The following AKNAD1 variants were observed in gnomAD, a reference collection of about 807,000 sequenced individuals.
The protein encoded by AKNAD1 is protein AKNAD1.
A neutral mutation model predicts 90.8 loss-of-function variants in AKNAD1; 67 were observed. The observed-to-expected ratio is 0.74, with a 90% CI of 0.61 to 0.90. AKNAD1 has a LOEUF of 0.90. Ranked by LOEUF, AKNAD1 falls within the 40% of genes least tolerant of loss-of-function variation. The pLI is 0.00. For missense variants in AKNAD1, 957 were observed against 975.4 expected (o/e 0.98, Z 0.25); for synonymous variants, 327 against 341.4 (o/e 0.96, Z 0.46).
chr1:108,827,427 G>C lies in AKNAD1; in HGVS notation c.1839-125C>G, dbSNP rs1306146377. 3 of 687,900 alleles carry C rather than the reference G, an allele frequency of 4.4e-6. No homozygotes were observed. The African/African-American group carries it at 5.3e-5, about 12-fold the overall frequency. 42.6% of individuals were successfully genotyped at this position (687,900 alleles called of 1,614,324 possible). A position where few individuals can be genotyped will look rare whatever the true frequency, so the allele number is the denominator to read the frequency against. On this transcript the variant is annotated intron_variant, in intron 10 of 15. Transcript: ENST00000370001. Reference sequence around the variant, plus strand: ...GCCTGGAACAGTGTAGGAGGGGCTTGTCATCCTCTACACAGAGCTCTCCTC... The same window carrying C: ...GCCTGGAACAGTGTAGGAGGGGCTTCTCATCCTCTACACAGAGCTCTCCTC...
chr1:108,841,502 A>G (rs543014097), intron 6 of AKNAD1, among the ~76,000 whole-genome samples: 6 of 152,322 alleles, frequency 3.9e-5, no homozygotes, highest in Non-Finnish European at 5.9e-5. Context: ...CTATTGGACT[A>G]CATTCTGACA....
intron 14 of AKNAD1, among the ~76,000 whole-genome samples, chr1:108,818,701 G>T (rs980907142): frequency 6.6e-6 from 1 of 152,020 alleles, no homozygotes; most frequent in Non-Finnish European, 1.5e-5. Flanking sequence ...GGTGGCTCAC[G>T]CCTGTAATCC....
chr1:108,817,278 G>T, intron 14 of AKNAD1, 101 bp from the exon 15 acceptor site: 1 of 1,485,804 alleles, frequency 6.7e-7, no homozygotes, highest in South Asian at 1.3e-5. Flanking sequence ...GTGTGGTTTG[G>T]GTGTGGGTGG....
intron 7 of AKNAD1, chr1:108,836,944 C>T (rs2101191586): frequency 6.6e-6 from 1 of 152,282 alleles, no homozygotes; most frequent in South Asian, 2.1e-4. Context: ...ACTGAGTGTG[C>T]TATTCTTTAT....
chr1:108,830,718 C>G (rs1664170918), intron 9 of AKNAD1, 68 bp from the exon 10 acceptor site: 8 of 1,499,326 alleles, frequency 5.3e-6, no homozygotes, highest in Non-Finnish European at 7.4e-6. Flanking sequence ...TGCACACGCA[C>G]AGCCCAGCAA....
chr1:108,829,779 C>A (rs1259283048), intron 10 of AKNAD1, among the ~76,000 whole-genome samples: 2 of 152,198 alleles, frequency 1.3e-5, no homozygotes, highest in African/African-American at 4.8e-5. Context: ...GGTTGCTAAA[C>A]ACCTGCTGCC....
intron 6 of AKNAD1, among the ~76,000 whole-genome samples, chr1:108,840,055 A>T (rs1199790815): frequency 1.3e-5 from 2 of 152,160 alleles, no homozygotes; most frequent in African/African-American, 2.4e-5. Context: ...CACTAATATT[A>T]ATTATCCAAT....
intron 11 of AKNAD1, among the ~76,000 whole-genome samples, chr1:108,824,629 T>C (rs1207432789): frequency 2.6e-5 from 4 of 151,768 alleles, no homozygotes. Context: ...TTTATTTTTT[T>C]TGAGCCAAGG....
upstream of AKNAD1, chr1:108,857,613 C>T (rs1358166257): frequency 6.5e-6 from 1 of 152,676 alleles, no homozygotes; most frequent in East Asian, 1.9e-4. Flanking sequence ...GTTCCTGTGA[C>T]AATCTCTTTG....
rs1570804803 is a variant in AKNAD1, at chr1:108,830,785, C to T, written c.1747-135G>A. On this transcript the variant is annotated intron_variant, in intron 9 of 15. Coordinates refer to ENST00000370001, the MANE Select transcript of AKNAD1 (RefSeq NM_152763.5). Reference sequence around the variant, plus strand: ...AGGCAGAGAGACTCGCCAAACCTCTCCTCCAGTTGGGGAAAGGGAGGCGCA... The same window carrying T: ...AGGCAGAGAGACTCGCCAAACCTCTTCTCCAGTTGGGGAAAGGGAGGCGCA... The T allele has an allele frequency of 2.0e-5, 15 of 765,980 alleles. No homozygotes were observed. In the South Asian group the frequency reaches 2.4e-4, roughly 12 times the overall value. The allele number at this position is 765,980 out of a possible 1,614,324, so 47.4% of individuals were successfully genotyped here.
At chr1:108,830,847 A>C in intron 9 of AKNAD1, 197 bp from the exon 10 acceptor site, 1 of 605,790 alleles carries the variant, frequency 1.7e-6, no homozygotes, top group South Asian at 1.9e-5. Flanking sequence ...GCCCATCCTT[A>C]GTTCTGATGT....
At chr1:108,832,669 T>C (rs1174269166) in intron 9 of AKNAD1, among the ~76,000 whole-genome samples, 1 of 152,196 alleles carries the variant, frequency 6.6e-6, no homozygotes, top group Admixed American at 6.6e-5. Flanking sequence ...TGATGGTGGT[T>C]TCAGTTTTGT....
intron 14 of AKNAD1, 61 bp downstream of exon 14, chr1:108,820,484 T>TAC (rs1663776238): frequency 8.8e-7 from 1 of 1,132,998 alleles, no homozygotes; most frequent in East Asian, 2.4e-5. Context: ...CACTATCAAG[T>TAC]ACACTGTATC....
intron 10 of AKNAD1, among the ~76,000 whole-genome samples, chr1:108,830,145 A>T (rs933335417): frequency 5.9e-5 from 9 of 152,126 alleles, no homozygotes. Flanking sequence ...GCTGTTTGTT[A>T]TACAGGATAA....
At chr1:108,830,674 G>C in intron 9 of AKNAD1, 24 bp from the exon 10 acceptor site, 1 of 1,612,086 alleles carries the variant, frequency 6.2e-7, no homozygotes, top group Non-Finnish European at 8.5e-7. Context: ...CACACAGATG[G>C]AGATGTGATA....
At position 108,852,169 on chromosome 1, in the gene AKNAD1, G is replaced by T. The variant is rs1664885074; in HGVS notation, c.496C>A (p.Pro166Thr). The change falls in exon 2 of 16, where the codon CCA becomes ACA. Residue 166 changes from proline (P) to threonine (T), a missense_variant. By Grantham distance (38) the Pro-to-Thr change is conservative. Transcript: ENST00000370001. Reference sequence around the variant, plus strand: ...GGGTTGAGTTGGTCAGTGAGTTCTGGGGTTTGTTCTTTTGGCCAAGAATTC... The same window carrying T: ...GGGTTGAGTTGGTCAGTGAGTTCTGTGGTTTGTTCTTTTGGCCAAGAATTC... Reference protein sequence around the residue: ...NKNSWPKEQTPELTDQLNPKR... With the variant: ...NKNSWPKEQTTELTDQLNPKR... 8.7e-6 allele frequency: 14 copies of T among 1,613,782 alleles called. No homozygotes were observed. Among genetic ancestry groups the T allele is most frequent in the Non-Finnish European group, 1.2e-5 (14 of 1,180,016 alleles).
At chr1:108,848,846 T>C in intron 4 of AKNAD1, 32 bp from the exon 5 acceptor site, 1 of 1,607,158 alleles carries the variant, frequency 6.2e-7, no homozygotes, top group South Asian at 1.1e-5. Flanking sequence ...CTCTCATTAA[T>C]GGCATGGTTT....
At chr1:108,820,502 C>T in intron 14 of AKNAD1, 43 bp downstream of exon 14, 1 of 1,334,590 alleles carries the variant, frequency 7.5e-7, no homozygotes, top group Non-Finnish European at 1.1e-6. Context: ...ATCCACCCAA[C>T]CAATGAGAAA....
chr1:108,840,625 T>C (rs1226772033), intron 6 of AKNAD1, among the ~76,000 whole-genome samples: 1 of 152,176 alleles, frequency 6.6e-6, no homozygotes, highest in East Asian at 1.9e-4. Flanking sequence ...ATAGTTTATG[T>C]GGATAATGTA....
Sources: allele counts gnomAD v4.1 joint callset (sites outside exome capture counted in the v4.1 genomes callset), GRCh38; gene constraint gnomAD v4.1.1; transcripts MANE v1.5; gene names NCBI Gene and HGNC (gene_info 2026-07-23, HGNC 2026-07-21).